The following MED13L variants were observed in gnomAD, a reference collection of about 807,000 sequenced individuals.
The protein encoded by MED13L is mediator of RNA polymerase II transcription subunit 13-like.
Under a neutral mutation model 220.9 loss-of-function variants are expected in MED13L, and 7 were observed. The observed-to-expected ratio is 0.03, with a 90% CI of 0.02 to 0.06. The LOEUF is 0.06. MED13L is among the 10% of genes least tolerant of loss of function. The pLI is 1.00. For synonymous variants in MED13L, 1,011 were observed against 1,015.2 expected (o/e 1.00, Z 0.08); for missense variants, 1,965 against 2,760.5 (o/e 0.71, Z 6.46).
Position 116,113,716 on chromosome 12 carries a change from G to A in MED13L, c.311-2204C>T, listed in dbSNP as rs1324820894. Among the ~76,000 whole-genome samples, 8 of 129,582 alleles carry A rather than the reference G, an allele frequency of 6.2e-5. No homozygotes were observed. In the East Asian group the frequency reaches 1.3e-3, roughly 20 times the overall value. The allele number at this position is 129,582 out of a possible 152,430, so 85.0% of individuals were successfully genotyped here. A position where few individuals can be genotyped will look rare whatever the true frequency, so the allele number is the denominator to read the frequency against. ...AGACAGTGAGTGGAGGAGGAAGAGG[G>A]GAAGAGGGAGAGAGGAGGGGGAGGG... On this transcript the variant is annotated intron_variant, in intron 2 of 30. Transcript: ENST00000281928.
At chr12:116,027,891 G>C (rs1880498710) in intron 4 of MED13L, among the ~76,000 whole-genome samples, 1 of 152,098 alleles carries the variant, frequency 6.6e-6, no homozygotes, top group African/African-American at 2.4e-5. Flanking sequence ...ACTCTAAAGA[G>C]AATAATCAAA....
chr12:116,215,297 C>T (rs1326751487), intron 2 of MED13L, among the ~76,000 whole-genome samples: 2 of 152,194 alleles, frequency 1.3e-5, no homozygotes, highest in African/African-American at 2.4e-5. Flanking sequence ...ATATTACATC[C>T]TATTTTTCTC....
intron 2 of MED13L, among the ~76,000 whole-genome samples, 181 bp from the exon 3 acceptor site, chr12:116,111,693 G>A (rs761395645): frequency 1.4e-4 from 21 of 151,944 alleles, no homozygotes; most frequent in Non-Finnish European, 2.8e-4. Flanking sequence ...AAATACTTAC[G>A]TACAAAAAAA....
chr12:116,258,087 C>T (rs1053119869), intron 1 of MED13L, among the ~76,000 whole-genome samples: 2 of 152,078 alleles, frequency 1.3e-5, no homozygotes, highest in African/African-American at 4.8e-5. Context: ...TTTCAAAAGG[C>T]TCGAAAAAGA....
chr12:116,010,599 T>C (rs770214994), intron 9 of MED13L, among the ~76,000 whole-genome samples: 1 of 152,140 alleles, frequency 6.6e-6, no homozygotes, highest in Non-Finnish European at 1.5e-5. Flanking sequence ...AAGAACCTGA[T>C]GCAGGCAGTG....
At chr12:116,114,576 C>T (rs562325415) in intron 2 of MED13L, among the ~76,000 whole-genome samples, 1 of 152,184 alleles carries the variant, frequency 6.6e-6, no homozygotes, top group South Asian at 2.1e-4. Flanking sequence ...AAAGACTGAA[C>T]GAACGGTAAG....
chr12:116,054,406 T>C (rs1369599119), intron 4 of MED13L, among the ~76,000 whole-genome samples: 2 of 152,212 alleles, frequency 1.3e-5, no homozygotes, highest in South Asian at 2.1e-4. Flanking sequence ...GTAACAATCA[T>C]GTAACAATCA....
chr12:116,072,495 A>G (rs1174118190), intron 4 of MED13L, among the ~76,000 whole-genome samples: 12 of 152,174 alleles, frequency 7.9e-5, no homozygotes, highest in Admixed American at 7.9e-4. Flanking sequence ...TCTGCCGCCC[A>G]GGCTAGAGTG....
At chr12:116,087,926 T>G (rs1871851849) in intron 4 of MED13L, among the ~76,000 whole-genome samples, 1 of 152,218 alleles carries the variant, frequency 6.6e-6, no homozygotes, top group Admixed American at 6.5e-5. Flanking sequence ...TTTTACATCC[T>G]AAAATACGTA....
intron 2 of MED13L, among the ~76,000 whole-genome samples, chr12:116,226,480 T>C (rs1869011817): frequency 6.6e-6 from 1 of 152,238 alleles, no homozygotes; most frequent in East Asian, 1.9e-4. Flanking sequence ...GCCATAATGA[T>C]ATTCAATGAG....
rs189294164 is a variant in MED13L at position 116,124,393 on chromosome 12, C to T, written c.311-12881G>A. Among the ~76,000 whole-genome samples the T allele has an allele frequency of 7.3e-4, 111 of 152,264 alleles. 1 individual carries two copies. The highest frequency in any genetic ancestry group is 2.5e-3 in the African/African-American group (104 of 41,566). ...AGAAATTACAAAATTATTTTTGTCA[C>T]TGAAACAGTAATGACTATTGGTCTA... On this transcript the variant is annotated intron_variant, in intron 2 of 30. Coordinates refer to ENST00000281928, the MANE Select transcript of MED13L (RefSeq NM_015335.5).
chr12:115,996,833 T>A, intron 15 of MED13L, 152 bp from the exon 16 acceptor site: 1 of 1,043,068 alleles, frequency 9.6e-7, no homozygotes, highest in Non-Finnish European at 1.5e-6. Context: ...GCAGAAATGT[T>A]AAATCAATCA....
chr12:115,961,319 C>T lies in MED13L; in HGVS notation c.6580G>A (p.Val2194Ile), dbSNP rs377611234. Residue 2194 changes from valine to isoleucine, a missense_variant, in exon 31 of 31, where the codon GTC becomes ATC. Physicochemically the swap from Val to Ile is conservative, Grantham distance 29. Around this residue, in one of 10 missense-constraint regions of MED13L, gnomAD observed 145 missense variants for 328.3 expected, o/e 0.44. Transcript: ENST00000281928. ...ATQDRTSCLP[V>I]HFVVLTQLYN... Reference sequence around the variant, plus strand: ...AACTGAGTGAGCACCACAAAGTGGACGGGAAGGCAGGAAGTACGGTCCTGG... The same window carrying T: ...AACTGAGTGAGCACCACAAAGTGGATGGGAAGGCAGGAAGTACGGTCCTGG... 9.3e-6 allele frequency: 15 copies of T among 1,613,964 alleles called. No individual in the cohort carries two copies. Among genetic ancestry groups the T allele is most frequent in the African/African-American group, 5.3e-5 (4 of 74,906 alleles).
chr12:116,201,193 A>T (rs917705881), intron 2 of MED13L, among the ~76,000 whole-genome samples: 4 of 152,234 alleles, frequency 2.6e-5, no homozygotes, highest in Admixed American at 2.6e-4. Context: ...AACTTTCTTT[A>T]AAGTCCTCTA....
At chr12:116,234,505 C>G (rs1869888146) in intron 2 of MED13L, among the ~76,000 whole-genome samples, 1 of 152,046 alleles carries the variant, frequency 6.6e-6, no homozygotes, top group Non-Finnish European at 1.5e-5. Context: ...GCAGGGATTA[C>G]AGGCGTGAGC....
intron 2 of MED13L, among the ~76,000 whole-genome samples, chr12:116,176,865 G>A (rs1484328387): frequency 5.9e-5 from 7 of 118,444 alleles, no homozygotes; most frequent in Admixed American, 3.2e-4. Flanking sequence ...ATGCAGAATC[G>A]AGAACTCAGC....
intron 16 of MED13L, among the ~76,000 whole-genome samples, chr12:115,994,648 A>T (rs1878281815): frequency 6.6e-6 from 1 of 152,204 alleles, no homozygotes. Context: ...GGAAACCTGT[A>T]TGTATGAAAG....
intron 1 of MED13L, among the ~76,000 whole-genome samples, chr12:116,248,167 A>T (rs1871237402): frequency 6.6e-6 from 1 of 152,260 alleles, no homozygotes; most frequent in African/African-American, 2.4e-5. Flanking sequence ...GAATAAAGCC[A>T]TGTGATAAAA....
In MED13L at chr12:116,277,397, AGCCGCCGCCGCC is replaced by A; in HGVS notation, c.-278_-267del. 1 of 12,830 alleles carries A rather than the reference AGCCGCCGCCGCC, an allele frequency of 7.8e-5. No homozygotes were observed. Among genetic ancestry groups the A allele is most frequent in the South Asian group, 9.6e-4 (1 of 1,040 alleles). The allele number at this position is 12,830 out of a possible 1,614,324, so 0.8% of individuals were successfully genotyped here. ...ACCGCCTCCGCCTTCCCTGCTCCTC[AGCCGCCGCCGCC>A]GCCGCTGCTGCCGCTGCCGCCGCCT... On this transcript the variant is annotated 5_prime_UTR_variant, in exon 1 of 31. Transcript: ENST00000281928.
Sources: gnomAD v4.1 joint callset for allele counts (sites outside exome capture counted in the v4.1 genomes callset) on GRCh38, gnomAD v4.1.1 for gene constraint, gnomAD v4.1.1 regional missense constraint, MANE v1.5 for transcripts, NCBI Gene and HGNC (gene_info 2026-07-23, HGNC 2026-07-21) for gene names.